Variants in DGKB observed in about 807,000 individuals in gnomAD.
The protein encoded by DGKB is 90 kDa diacylglycerol kinase.
DGKB carries 67 observed loss-of-function variants against 114.3 expected under a neutral mutation model. That is an observed-to-expected ratio of 0.59 (90% CI 0.48 to 0.72). The LOEUF (loss-of-function observed/expected upper bound fraction) is 0.72. DGKB is among the 30% of genes least tolerant of loss of function. DGKB has a pLI of 0.00. For missense variants in DGKB, 907 were observed against 975.2 expected, an observed-to-expected ratio of 0.93 and a Z score of 0.93; for synonymous variants, 398 against 323.1, an observed-to-expected ratio of 1.23 and a Z score of -2.49.
In DGKB at chr7:14,578,822, C is replaced by T. The variant is rs538269735; in HGVS notation, c.1609+2040G>A. Among the ~76,000 whole-genome samples the T allele has an allele frequency of 1.5e-4, 23 of 152,288 alleles. No homozygotes were observed. In the East Asian group the frequency reaches 4.1e-3, roughly 27 times the overall value. On this transcript the variant is annotated intron_variant, in intron 19 of 25. Transcript: ENST00000402815. ...TGTGTTACTCTGCTTCTGAGACTTT[C>T]GAAGCTTCACTTTGCATGACAAATT...
chr7:14,743,844 C>T (rs947022757), intron 4 of DGKB, among the ~76,000 whole-genome samples: 2 of 151,890 alleles, frequency 1.3e-5, no homozygotes, highest in African/African-American at 4.8e-5. Context: ...TCTTTTGATC[C>T]CCTTCAAAAG....
intron 22 of DGKB, among the ~76,000 whole-genome samples, chr7:14,341,757 G>A (rs983607284): frequency 1.3e-5 from 2 of 151,868 alleles, no homozygotes; most frequent in Non-Finnish European, 2.9e-5. Context: ...ACACCGTACA[G>A]AGGTGTTAAA....
At chr7:14,308,150 A>G (rs1804788812) in intron 23 of DGKB, among the ~76,000 whole-genome samples, 1 of 152,074 alleles carries the variant, frequency 6.6e-6, no homozygotes, top group Non-Finnish European at 1.5e-5. Flanking sequence ...AATCATAAAG[A>G]TAACCCGTAT....
intron 1 of DGKB, among the ~76,000 whole-genome samples, chr7:14,929,257 G>A (rs1463658783): frequency 6.6e-6 from 1 of 152,012 alleles, no homozygotes; most frequent in Non-Finnish European, 1.5e-5. Context: ...CCAATAGTGG[G>A]ATTGTTGAAT....
At chr7:14,373,933 G>A (rs1420618333) in intron 21 of DGKB, among the ~76,000 whole-genome samples, 1 of 151,738 alleles carries the variant, frequency 6.6e-6, no homozygotes, top group Non-Finnish European at 1.5e-5. Context: ...TGCATGTTTT[G>A]AGTTTATCCT....
intron 12 of DGKB, among the ~76,000 whole-genome samples, chr7:14,673,612 A>T (rs548095703): frequency 6.6e-6 from 1 of 152,176 alleles, no homozygotes; most frequent in Non-Finnish European, 1.5e-5. Context: ...TTATCAGCTC[A>T]ACGTTAAGTT....
chr7:14,384,739 C>A (rs1195874321), intron 21 of DGKB, among the ~76,000 whole-genome samples: 2 of 152,178 alleles, frequency 1.3e-5, no homozygotes, highest in African/African-American at 4.8e-5. Flanking sequence ...TTGTGTCTGC[C>A]AGAGACATCT....
At chr7:14,560,341 T>C (rs1208297959) in intron 20 of DGKB, among the ~76,000 whole-genome samples, 2 of 152,154 alleles carry the variant, frequency 1.3e-5, no homozygotes, top group Non-Finnish European at 2.9e-5. Flanking sequence ...TTTATTTATG[T>C]CCGTTGATTA....
At chr7:14,446,463 C>T (rs141729989) in intron 21 of DGKB, among the ~76,000 whole-genome samples, 60 of 152,178 alleles carry the variant, frequency 3.9e-4, no homozygotes, top group African/African-American at 1.4e-3. Flanking sequence ...ATTTTTACCA[C>T]CTTTCATATA....
intron 1 of DGKB, among the ~76,000 whole-genome samples, chr7:14,901,741 T>C (rs1318757274): frequency 2.6e-5 from 4 of 152,052 alleles, no homozygotes; most frequent in Non-Finnish European, 4.4e-5. Context: ...AGTATTCTGC[T>C]TGCATTCATG....
Position 14,146,379 on chromosome 7 carries a change from C to T in DGKB, c.*2752G>A, listed in dbSNP as rs2128206003. On this transcript the variant is annotated 3_prime_UTR_variant, in exon 26 of 26. Coordinates refer to ENST00000402815, the MANE Select transcript of DGKB (RefSeq NM_001350709.2). ...CTTTGTTTCTGACTGCTGTTAAGTC[C>T]AGCATTAATTTACATTTAAGAGTTT... The T allele has an allele frequency of 6.6e-6, 1 of 152,202 alleles. No individual in the cohort carries two copies. The highest frequency in any genetic ancestry group is 2.1e-4 in the South Asian group (1 of 4,816). The allele number at this position is 152,202 out of a possible 1,614,324, so 9.4% of individuals were successfully genotyped here.
intron 20 of DGKB, among the ~76,000 whole-genome samples, chr7:14,549,942 T>C (rs79167827): frequency 0.038 from 5,739 of 151,546 alleles, 205 homozygotes; most frequent in East Asian, 0.2. Flanking sequence ...TGAGCCAAGA[T>C]CACGCCACTG....
intron 1 of DGKB, among the ~76,000 whole-genome samples, chr7:14,964,042 T>A (rs1420382625): frequency 6.6e-6 from 1 of 152,024 alleles, no homozygotes; most frequent in African/African-American, 2.4e-5. Flanking sequence ...AGAAAAAGTG[T>A]GGAAGTTTGG....
intron 20 of DGKB, among the ~76,000 whole-genome samples, chr7:14,497,066 C>T (rs927091396): frequency 5.9e-5 from 9 of 151,690 alleles, no homozygotes; most frequent in Admixed American, 2.6e-4. Context: ...GGCCACTATT[C>T]TAAGTGAAGT....
chr7:14,275,927 T>A (rs1404978281), intron 23 of DGKB, among the ~76,000 whole-genome samples: 3 of 152,222 alleles, frequency 2.0e-5, no homozygotes, highest in Non-Finnish European at 4.4e-5. Context: ...CTTATCTAAT[T>A]CATAGAGTAA....
chr7:14,252,865 C>G (rs914829244), intron 23 of DGKB, among the ~76,000 whole-genome samples: 1 of 152,082 alleles, frequency 6.6e-6, no homozygotes. Context: ...CCATGTTGTG[C>G]TATATGGGCT....
At chr7:14,600,405 T>C (rs367856111) in intron 17 of DGKB, among the ~76,000 whole-genome samples, 2 of 152,206 alleles carry the variant, frequency 1.3e-5, no homozygotes, top group Non-Finnish European at 2.9e-5. Flanking sequence ...TATGTTCTTC[T>C]GATAAGTAAA....
intron 23 of DGKB, among the ~76,000 whole-genome samples, chr7:14,333,405 G>T (rs1035471930): frequency 6.7e-6 from 1 of 148,440 alleles, no homozygotes; most frequent in Non-Finnish European, 1.5e-5. Flanking sequence ...AGCTTGCAGT[G>T]AGCCGAGATC....
intron 23 of DGKB, among the ~76,000 whole-genome samples, chr7:14,316,124 A>G (rs1806454972): frequency 6.6e-6 from 1 of 151,702 alleles, no homozygotes; most frequent in Admixed American, 6.6e-5. Context: ...TCTGGGATGC[A>G]TTCAAAGCAG....
Sources: allele counts gnomAD v4.1 joint callset (sites outside exome capture counted in the v4.1 genomes callset), GRCh38; gene constraint gnomAD v4.1.1; transcripts MANE v1.5; gene names NCBI Gene and HGNC (gene_info 2026-07-23, HGNC 2026-07-21).